The following GPHN variants were observed in gnomAD, a reference collection of about 807,000 sequenced individuals.
The protein encoded by GPHN is gephyrin.
GPHN carries 17 observed loss-of-function variants against 95.5 expected under a neutral mutation model. The ratio of observed to expected loss-of-function variants is 0.18; its 90% CI spans 0.12 to 0.27. The LOEUF is 0.27. GPHN is among the 10% of genes least tolerant of loss of function. The pLI is 1.00. For synonymous variants in GPHN, 320 were observed against 322.5 expected (o/e 0.99, Z 0.08); for missense variants, 660 against 978.1 (o/e 0.67, Z 4.34).
Position 66,892,349 on chromosome 14 carries a change from G to A in GPHN, c.389+12316G>A, listed in dbSNP as rs117389868. Among the ~76,000 whole-genome samples the A allele has an allele frequency of 1.4e-3, 210 of 152,248 alleles. 6 individuals are homozygous for A. The East Asian group carries it at 0.035, about 25-fold the overall frequency. On this transcript the variant is annotated intron_variant, in intron 5 of 22. Coordinates refer to ENST00000478722, the MANE Select transcript of GPHN (RefSeq NM_020806.5). ...GAGGGAGGAGTATCACTTGAGCCCCGGAATTCGAGGTTACAGTGAGCTGTG... is the reference window on the plus strand; with the variant it reads ...GAGGGAGGAGTATCACTTGAGCCCCAGAATTCGAGGTTACAGTGAGCTGTG...
At chr14:66,819,382 G>A (rs1055136725) in intron 3 of GPHN, among the ~76,000 whole-genome samples, 6 of 152,142 alleles carry the variant, frequency 3.9e-5, no homozygotes, top group African/African-American at 1.4e-4. Flanking sequence ...AGATCAGAGA[G>A]TTGTAAGTGT....
chr14:67,528,432 CT>C, the GPHN span, among the ~76,000 whole-genome samples: 1 of 152,180 alleles, frequency 6.6e-6, no homozygotes, highest in African/African-American at 2.4e-5. Flanking sequence ...AACCTGCCAC[CT>C]ACTTAAAGCT....
chr14:67,180,862 A>G lies in GPHN; in HGVS notation c.2235A>G (p.Leu745=), dbSNP rs2083293606. ...SMRSANGLLM[L]PPKTEQYVEL... is the part of the protein sequence containing the mutation. ...GCAGTGCCAATGGATTGTTGATGCT[A>G]CCTCCAAAGACAGAACAGTACGTGG... The change falls in exon 23 of 23, where the codon CTA becomes CTG. Residue 745 remains leucine (L), a synonymous_variant. Coordinates refer to ENST00000478722, the MANE Select transcript of GPHN (RefSeq NM_020806.5). 2 of 1,613,740 alleles carry G rather than the reference A, an allele frequency of 1.2e-6. No individual in the cohort carries two copies. Among genetic ancestry groups the G allele is most frequent in the Admixed American group, 1.7e-5 (1 of 59,964 alleles).
chr14:67,265,448 C>T, the GPHN span, among the ~76,000 whole-genome samples: 3 of 152,068 alleles, frequency 2.0e-5, no homozygotes, highest in East Asian at 3.9e-4. Context: ...CCCAGCTACA[C>T]AGGAGGCTGA....
chr14:67,047,525 A>G (rs61990909), intron 10 of GPHN, among the ~76,000 whole-genome samples: 10,912 of 151,750 alleles, frequency 0.072, 574 homozygotes, highest in Non-Finnish European at 0.11. Flanking sequence ...GACACCATGC[A>G]TGACTAATTT....
the GPHN span, among the ~76,000 whole-genome samples, chr14:67,695,216 G>A: frequency 1.3e-5 from 2 of 152,186 alleles, no homozygotes; most frequent in Non-Finnish European, 2.9e-5. Context: ...AGTTTCAGAG[G>A]GCGAAATGTG....
chr14:66,655,762 G>T (rs2065269893), intron 1 of GPHN, among the ~76,000 whole-genome samples: 1 of 151,708 alleles, frequency 6.6e-6, no homozygotes, highest in Non-Finnish European at 1.5e-5. Flanking sequence ...TTACCAAGTT[G>T]AGGAATTTCC....
chr14:66,630,772 A>G (rs759643663), intron 1 of GPHN, among the ~76,000 whole-genome samples: 2 of 151,896 alleles, frequency 1.3e-5, no homozygotes, highest in African/African-American at 2.4e-5. Context: ...GCGCCCAGCC[A>G]TCAGAATCCT....
chr14:67,365,519 A>G, the GPHN span, among the ~76,000 whole-genome samples: 1 of 152,350 alleles, frequency 6.6e-6, no homozygotes, highest in East Asian at 1.9e-4. Context: ...GGTAATTAGA[A>G]TGTTTGCATC....
chr14:67,573,855 A>G, the GPHN span: 1 of 1,613,576 alleles, frequency 6.2e-7, no homozygotes, highest in Non-Finnish European at 8.5e-7. The surrounding 1 kb of genome is among the most constrained non-coding windows in gnomAD (Gnocchi z 4.8). Context: ...CCGCTGCCAA[A>G]TTGTTCGAGG....
At chr14:67,571,873 G>A in the GPHN span, 6 of 1,612,940 alleles carry the variant, frequency 3.7e-6, no homozygotes, top group Non-Finnish European at 5.1e-6. Flanking sequence ...AAGACCAGCG[G>A]ACTAGGCAGC....
chr14:67,445,880 C>T, the GPHN span, among the ~76,000 whole-genome samples: 2 of 152,190 alleles, frequency 1.3e-5, no homozygotes, highest in African/African-American at 2.4e-5. Context: ...AGCCTCCCTG[C>T]TCAGCCTAAG....
chr14:66,575,338 AT>A (rs1287852994), intron 1 of GPHN, among the ~76,000 whole-genome samples: 1 of 152,020 alleles, frequency 6.6e-6, no homozygotes, highest in African/African-American at 2.4e-5. Flanking sequence ...TGTGGTAGGC[AT>A]TTTTTCTCTT....
At chr14:66,587,991 CG>C (rs1360963538) in intron 1 of GPHN, among the ~76,000 whole-genome samples, 1 of 152,092 alleles carries the variant, frequency 6.6e-6, no homozygotes, top group Non-Finnish European at 1.5e-5. Flanking sequence ...AGGAGAGCTC[CG>C]GGTGGCATCT....
At chr14:66,666,681 A>T (rs1350884152) in intron 1 of GPHN, among the ~76,000 whole-genome samples, 1 of 152,226 alleles carries the variant, frequency 6.6e-6, no homozygotes, top group Non-Finnish European at 1.5e-5. Context: ...CCAACATCAT[A>T]CTGAATGGGT....
At chr14:66,688,448 G>T (rs943019786) in intron 2 of GPHN, among the ~76,000 whole-genome samples, 7 of 152,106 alleles carry the variant, frequency 4.6e-5, no homozygotes, top group African/African-American at 1.4e-4. Flanking sequence ...TTTTATTTTT[G>T]TATGTAGCTG....
At chr14:66,668,587 T>C (rs4470085) in intron 1 of GPHN, among the ~76,000 whole-genome samples, 49,899 of 152,058 alleles carry the variant, frequency 0.33, 12,016 homozygotes, top group African/African-American at 0.66. Flanking sequence ...ATGGTGAGAA[T>C]ACATGGACAC....
chr14:66,816,028 G>T (rs1426545728), intron 3 of GPHN, among the ~76,000 whole-genome samples: 1 of 152,084 alleles, frequency 6.6e-6, no homozygotes, highest in East Asian at 1.9e-4. Flanking sequence ...CGACAAAACA[G>T]ACTTTAAACC....
chr14:67,595,555 G>A, the GPHN span, among the ~76,000 whole-genome samples: 1 of 152,206 alleles, frequency 6.6e-6, no homozygotes, highest in African/African-American at 2.4e-5. Context: ...TTCTGCCAAT[G>A]ACTGCTTTAA....
Sources: allele counts gnomAD v4.1 joint callset (sites outside exome capture counted in the v4.1 genomes callset), GRCh38; gene constraint gnomAD v4.1.1; non-coding constraint Gnocchi (gnomAD v3.1); transcripts MANE v1.5; gene names NCBI Gene and HGNC (gene_info 2026-07-23, HGNC 2026-07-21).